The following ATP2B2 variants were observed in gnomAD, a reference collection of about 807,000 sequenced individuals.
The protein encoded by ATP2B2 is ATPase plasma membrane Ca2+ transporting 2.
ATP2B2 carries 15 observed loss-of-function variants against 120.0 expected under a neutral mutation model. The ratio of observed to expected loss-of-function variants is 0.12; its 90% CI spans 0.08 to 0.19. The LOEUF is 0.19. ATP2B2 is among the 10% of genes least tolerant of loss of function. ATP2B2 has a pLI of 1.00. For synonymous variants in ATP2B2, 694 were observed against 700.3 expected, an observed-to-expected ratio of 0.99 and a Z score of 0.14; for missense variants, 1,045 against 1,719.8, an observed-to-expected ratio of 0.61 and a Z score of 6.94.
chr3:10,372,190 G>A (rs2061263497), intron 11 of ATP2B2, 139 bp from the exon 12 acceptor site: 1 of 1,258,482 alleles, frequency 7.9e-7, no homozygotes, highest in Non-Finnish European at 1.1e-6. Context: ...CACTTGTAAA[G>A]GATCTTGGTT....
At chr3:10,483,702 G>GT (rs1330077808) in intron 1 of ATP2B2, among the ~76,000 whole-genome samples, 1 of 152,206 alleles carries the variant, frequency 6.6e-6, no homozygotes, top group Non-Finnish European at 1.5e-5. Flanking sequence ...GCCACGGGAG[G>GT]TTTTAATAAT....
intron 1 of ATP2B2, among the ~76,000 whole-genome samples, chr3:10,656,174 G>C (rs2070622585): frequency 6.6e-6 from 1 of 152,186 alleles, no homozygotes; most frequent in Non-Finnish European, 1.5e-5. Context: ...TGAGGAAGTT[G>C]CTGGGGACTA....
At chr3:10,570,617 C>G (rs1434922659) in intron 2 of ATP2B2, among the ~76,000 whole-genome samples, 2 of 152,202 alleles carry the variant, frequency 1.3e-5, no homozygotes, top group Non-Finnish European at 2.9e-5. Flanking sequence ...GGATTCCTCA[C>G]TTTCTCCAGC....
At chr3:10,679,244 A>G (rs886477276) in intron 1 of ATP2B2, among the ~76,000 whole-genome samples, 6 of 152,216 alleles carry the variant, frequency 3.9e-5, no homozygotes, top group Non-Finnish European at 5.9e-5. Context: ...TAATGCATGT[A>G]TGTTGTTTTA....
chr3:10,503,233 G>A (rs1377637521), intron 1 of ATP2B2, among the ~76,000 whole-genome samples: 4 of 152,176 alleles, frequency 2.6e-5, no homozygotes, highest in Non-Finnish European at 5.9e-5. Flanking sequence ...AGGTGTTCCA[G>A]GCCCCAGCTC....
intron 2 of ATP2B2, among the ~76,000 whole-genome samples, chr3:10,559,769 G>A (rs2067861827): frequency 6.6e-6 from 1 of 152,204 alleles, no homozygotes; most frequent in African/African-American, 2.4e-5. Context: ...GAACATCCAA[G>A]GAGACACAAG....
chr3:10,326,159 CT>C lies in ATP2B2; in HGVS notation c.*2654del, dbSNP rs2059854376. ...TGAATGGTCATAAATTATTTACCCC[CT>C]AATGGAGTGAACTGCCAAACGTACC... On this transcript the variant is annotated 3_prime_UTR_variant, in exon 23 of 23. Coordinates refer to ENST00000360273, the MANE Select transcript of ATP2B2 (RefSeq NM_001001331.4). 3 of 152,588 alleles carry C rather than the reference CT, an allele frequency of 2.0e-5. No individual in the cohort carries two copies. Among genetic ancestry groups the C allele is most frequent in the South Asian group, 2.1e-4 (1 of 4,826 alleles). The allele number at this position is 152,588 out of a possible 1,614,324, so 9.5% of individuals were successfully genotyped here. A position where few individuals can be genotyped will look rare whatever the true frequency, so the allele number is the denominator to read the frequency against.
At chr3:10,528,069 G>A (rs565373977) in intron 3 of ATP2B2, among the ~76,000 whole-genome samples, 28 of 152,274 alleles carry the variant, frequency 1.8e-4, no homozygotes, top group Middle Eastern at 3.4e-3. Flanking sequence ...CATGGGTGGC[G>A]GGCATAACTC....
chr3:10,584,307 C>T (rs543235529), intron 2 of ATP2B2, among the ~76,000 whole-genome samples: 27 of 152,256 alleles, frequency 1.8e-4, no homozygotes, highest in Admixed American at 8.5e-4. Flanking sequence ...TGCAAGGCAG[C>T]GGGAACACCT....
chr3:10,428,229 A>G (rs1261859220), intron 2 of ATP2B2, among the ~76,000 whole-genome samples: 4 of 152,212 alleles, frequency 2.6e-5, no homozygotes, highest in Non-Finnish European at 4.4e-5. Flanking sequence ...TATAGTGAGG[A>G]TGAGATGAGT....
intron 1 of ATP2B2, among the ~76,000 whole-genome samples, chr3:10,675,595 C>A (rs111833253): frequency 0.015 from 2,300 of 152,278 alleles, 58 homozygotes; most frequent in African/African-American, 0.052. Context: ...CCAGGAGTTC[C>A]GGTGTAGCCC....
At chr3:10,498,770 A>C (rs1040898899) in intron 1 of ATP2B2, among the ~76,000 whole-genome samples, 1 of 152,184 alleles carries the variant, frequency 6.6e-6, no homozygotes, top group Non-Finnish European at 1.5e-5. Context: ...TCATCCATTC[A>C]CTGCTTCTCC....
intron 1 of ATP2B2, among the ~76,000 whole-genome samples, chr3:10,630,840 G>T (rs2069842643): frequency 6.6e-6 from 1 of 151,576 alleles, no homozygotes; most frequent in South Asian, 2.1e-4. Flanking sequence ...CTAAGTTTGT[G>T]GCGGGGGGGT....
At chr3:10,422,377 G>A (rs1409942939) in intron 2 of ATP2B2, among the ~76,000 whole-genome samples, 1 of 152,214 alleles carries the variant, frequency 6.6e-6, no homozygotes, top group Non-Finnish European at 1.5e-5. Context: ...CTGATGGTCT[G>A]CTATCGTCTG....
chr3:10,339,363 G>A (rs938849571), intron 21 of ATP2B2, among the ~76,000 whole-genome samples: 7 of 152,214 alleles, frequency 4.6e-5, no homozygotes, highest in African/African-American at 1.7e-4. Context: ...ACTCTAGCCT[G>A]CAGACAGCTT....
chr3:10,585,070 C>T (rs531861688), intron 2 of ATP2B2, among the ~76,000 whole-genome samples: 96 of 152,250 alleles, frequency 6.3e-4, no homozygotes, highest in South Asian at 6.2e-4. Context: ...GTCTGGATGC[C>T]GGCAACTCTC....
chr3:10,401,943 C>G, intron 4 of ATP2B2, 148 bp downstream of exon 4: 3 of 1,369,896 alleles, frequency 2.2e-6, no homozygotes, highest in Non-Finnish European at 3.0e-6. Context: ...CTTCCACCTC[C>G]TAAAGGATCT....
chr3:10,690,777 C>T (rs2071645655), intron 1 of ATP2B2, among the ~76,000 whole-genome samples: 1 of 152,150 alleles, frequency 6.6e-6, no homozygotes, highest in African/African-American at 2.4e-5. Context: ...CGGGCAATGT[C>T]AACTGCCCTG....
chr3:10,486,334 T>TGTGTGTGC (rs1559398882), intron 1 of ATP2B2, among the ~76,000 whole-genome samples: 13 of 151,434 alleles, frequency 8.6e-5, no homozygotes, highest in Non-Finnish European at 2.9e-5. Context: ...CGTGTGTGTG[T>TGTGTGTGC]GTGTGTGTGT....
Sources: allele counts gnomAD v4.1 joint callset (sites outside exome capture counted in the v4.1 genomes callset), GRCh38; gene constraint gnomAD v4.1.1; transcripts MANE v1.5; gene names NCBI Gene and HGNC (gene_info 2026-07-23, HGNC 2026-07-21).